The following PARD3B variants were observed in gnomAD, a reference collection of about 807,000 sequenced individuals.
PARD3B encodes partitioning defective 3 homolog B.
In PARD3B, 103 loss-of-function variants were observed where a neutral mutation model predicts 130.2. That is an observed-to-expected ratio of 0.79 (90% CI 0.67 to 0.93). The LOEUF is 0.93. Ranked by LOEUF, PARD3B falls within the 40% of genes least tolerant of loss-of-function variation. The pLI, the probability that PARD3B is intolerant of heterozygous loss-of-function variation, is 0.00. For missense variants in PARD3B, 1,609 were observed against 1,499.2 expected (o/e 1.07, Z -1.21); for synonymous variants, 583 against 553.2 (o/e 1.05, Z -0.76).
intron 21 of PARD3B, among the ~76,000 whole-genome samples, chr2:205,505,334 T>C (rs948879364): frequency 9.9e-5 from 15 of 152,248 alleles, no homozygotes; most frequent in African/African-American, 2.9e-4. Context: ...GGCACATGTA[T>C]ACATATGTAA....
chr2:205,036,002 G>C (rs1196022415), intron 3 of PARD3B, among the ~76,000 whole-genome samples: 2 of 141,280 alleles, frequency 1.4e-5, no homozygotes, highest in Non-Finnish European at 3.0e-5. Flanking sequence ...ATATATAATG[G>C]CCTATTTTTA....
chr2:204,834,502 G>A (rs1441777870), intron 2 of PARD3B, among the ~76,000 whole-genome samples: 2 of 152,110 alleles, frequency 1.3e-5, no homozygotes, highest in South Asian at 2.1e-4. Context: ...ATATCTTTAG[G>A]TGAAGGTAGT....
chr2:204,708,474 A>G lies in PARD3B; in HGVS notation c.222+22192A>G, dbSNP rs574526755. 9.2e-5 allele frequency among the ~76,000 whole-genome samples: 14 copies of G among 152,334 alleles called. No individual in the cohort carries two copies. The South Asian group carries it at 2.7e-3, about 29-fold the overall frequency. ...TATTAGATTTCAGAAACGATCTCCTAGTATTAGAAAGTAGACATAGATATT... is the reference window on the plus strand; with the variant it reads ...TATTAGATTTCAGAAACGATCTCCTGGTATTAGAAAGTAGACATAGATATT... On this transcript the variant is annotated intron_variant, in intron 2 of 22. Coordinates refer to ENST00000406610, the MANE Select transcript of PARD3B (RefSeq NM_001302769.2).
At chr2:205,235,176 T>A (rs1368031860) in intron 15 of PARD3B, among the ~76,000 whole-genome samples, 1 of 152,056 alleles carries the variant, frequency 6.6e-6, no homozygotes, top group Non-Finnish European at 1.5e-5. Context: ...ATCACAGCAA[T>A]TTGGGAGGCT....
Position 205,582,260 on chromosome 2 carries a change from A to G in PARD3B, c.3260+28857A>G, listed in dbSNP as rs565681021. ...ACCTGCCCTGGTGTGGGCATTCTCT[A>G]CAGTTAATAGACTCTGGATAATTCC... On this transcript the variant is annotated intron_variant, in intron 22 of 22. Coordinates refer to ENST00000406610, the MANE Select transcript of PARD3B (RefSeq NM_001302769.2). Among the ~76,000 whole-genome samples the G allele has an allele frequency of 2.0e-5, 3 of 152,276 alleles. No individual in the cohort carries two copies. The East Asian group carries it at 5.8e-4, about 29-fold the overall frequency.
intron 3 of PARD3B, among the ~76,000 whole-genome samples, chr2:205,043,484 C>G (rs928703513): frequency 3.3e-5 from 5 of 152,136 alleles, no homozygotes; most frequent in African/African-American, 7.2e-5. Flanking sequence ...CAAACAAAGG[C>G]TCAATCTGTT....
chr2:205,085,288 T>A (rs1299113621), intron 4 of PARD3B, among the ~76,000 whole-genome samples: 1 of 152,098 alleles, frequency 6.6e-6, no homozygotes, highest in East Asian at 1.9e-4. Context: ...CCTACTAATG[T>A]ATCTTGCTGC....
chr2:205,597,175 G>A (rs1186601357), intron 22 of PARD3B, among the ~76,000 whole-genome samples: 1 of 152,000 alleles, frequency 6.6e-6, no homozygotes, highest in African/African-American at 2.4e-5. Flanking sequence ...TGGTTTTTCA[G>A]CCCTCACTCT....
intron 16 of PARD3B, among the ~76,000 whole-genome samples, chr2:205,299,154 T>A (rs771280966): frequency 2.3e-4 from 35 of 152,246 alleles, no homozygotes; most frequent in Non-Finnish European, 4.4e-4. Context: ...TGTGTATTGC[T>A]ATTTCACTTC....
intron 1 of PARD3B, among the ~76,000 whole-genome samples, chr2:204,553,265 T>G (rs1262285472): frequency 6.6e-6 from 1 of 152,010 alleles, no homozygotes; most frequent in Admixed American, 6.6e-5. Context: ...AAATAGGTGT[T>G]GGTGTGGATG....
chr2:205,330,104 G>A (rs2043067734), intron 18 of PARD3B, among the ~76,000 whole-genome samples: 1 of 152,036 alleles, frequency 6.6e-6, no homozygotes, highest in Non-Finnish European at 1.5e-5. Context: ...ACTTTGGGAG[G>A]CTGAGGCGGG....
At chr2:205,206,620 T>G (rs912450834) in intron 15 of PARD3B, among the ~76,000 whole-genome samples, 2 of 151,712 alleles carry the variant, frequency 1.3e-5, no homozygotes, top group Non-Finnish European at 2.9e-5. Context: ...CTATCATTAT[T>G]GGACATTTGG....
intron 1 of PARD3B, among the ~76,000 whole-genome samples, chr2:204,659,365 T>A (rs946196486): frequency 4.6e-5 from 7 of 152,186 alleles, no homozygotes; most frequent in African/African-American, 1.7e-4. Context: ...AAGATATTCT[T>A]GTGTGACACA....
intron 1 of PARD3B, among the ~76,000 whole-genome samples, chr2:204,634,029 A>G (rs1202423775): frequency 3.9e-5 from 6 of 152,132 alleles, no homozygotes; most frequent in Non-Finnish European, 5.9e-5. Flanking sequence ...ATGTACAGCT[A>G]TTATTGACTA....
rs1180149054 is a variant in PARD3B, at chr2:205,044,508, T to A, written c.395-3073T>A. 7.3e-5 allele frequency among the ~76,000 whole-genome samples: 11 copies of A among 150,364 alleles called. 1 individual carries two copies. The highest frequency in any genetic ancestry group is 6.6e-5 in the Admixed American group (1 of 15,100). ...TTAATGATTGCCATTCTAACTGGTG[T>A]GAGATGGTATCTCATTGTGGTTTTG... On this transcript the variant is annotated intron_variant, in intron 3 of 22. Transcript: ENST00000406610.
chr2:205,373,792 A>C (rs963282633), intron 18 of PARD3B, among the ~76,000 whole-genome samples: 3 of 152,226 alleles, frequency 2.0e-5, no homozygotes, highest in African/African-American at 7.2e-5. Context: ...GGTTGCCTTC[A>C]TTCCATGTGA....
chr2:205,442,858 T>C (rs1463131765), intron 20 of PARD3B, among the ~76,000 whole-genome samples: 1 of 152,226 alleles, frequency 6.6e-6, no homozygotes, highest in Non-Finnish European at 1.5e-5. Context: ...AATTATTGAC[T>C]GCCCAGTCCA....
chr2:205,124,508 C>T, intron 9 of PARD3B, 42 bp downstream of exon 9: 1 of 1,463,310 alleles, frequency 6.8e-7, no homozygotes, highest in South Asian at 1.6e-5. Flanking sequence ...TATTTCTTGG[C>T]ATTTAAATAA....
At position 205,616,909 on chromosome 2, in the gene PARD3B, G is replaced by A. The variant is rs199592216; in HGVS notation, c.*1096G>A. The A allele has an allele frequency of 6.8e-6, 1 of 146,212 alleles. No individual in the cohort carries two copies. The highest frequency in any genetic ancestry group is 2.6e-5 in the African/African-American group (1 of 39,018). 9.1% of individuals were successfully genotyped at this position (146,212 alleles called of 1,614,324 possible). On this transcript the variant is annotated 3_prime_UTR_variant, in exon 23 of 23. Coordinates refer to ENST00000406610, the MANE Select transcript of PARD3B (RefSeq NM_001302769.2). ...TGAATGAGAGAGAGAGAGAGAGAGA[G>A]TATGTGTGTGTGTGTGTATGTGTGT...
Sources: gnomAD v4.1 joint callset for allele counts (sites outside exome capture counted in the v4.1 genomes callset) on GRCh38, gnomAD v4.1.1 for gene constraint, MANE v1.5 for transcripts, NCBI Gene and HGNC (gene_info 2026-07-23, HGNC 2026-07-21) for gene names.